PTPN5: variants seen among roughly 807,000 people sequenced by gnomAD.
The protein encoded by PTPN5 is protein tyrosine phosphatase non-receptor type 5, also known as tyrosine-protein phosphatase non-receptor type 5.
In PTPN5, 29 loss-of-function variants were observed where a neutral mutation model predicts 73.9. The ratio of observed to expected loss-of-function variants is 0.39; its 90% CI spans 0.29 to 0.54. PTPN5 has a LOEUF of 0.54. Among genes scored for constraint, PTPN5 ranks in the 20% least tolerant of loss-of-function variants. The pLI, the probability that PTPN5 is intolerant of heterozygous loss-of-function variation, is 0.65. For synonymous variants in PTPN5, 267 were observed against 304.7 expected, an observed-to-expected ratio of 0.88 and a Z score of 1.29; for missense variants, 652 against 751.4, an observed-to-expected ratio of 0.87 and a Z score of 1.55.
rs1367069936 is a variant in PTPN5, at chr11:18,778,433, GAC to G, written c.-113-6364_-113-6363del. Among the ~76,000 whole-genome samples the G allele has an allele frequency of 3.3e-5, 5 of 152,276 alleles. No individual in the cohort carries two copies. In the East Asian group the frequency reaches 9.6e-4, roughly 29 times the overall value. ...TTGCAGCTCTCCCTTCTCCCTCTGT[GAC>G]ACAGTTTGGATATTTGTCCCCACCC... On this transcript the variant is annotated intron_variant, in intron 1 of 14. Transcript: ENST00000358540.
At position 18,762,452 on chromosome 11, in the gene PTPN5, C is replaced by T. The variant is rs145729885; in HGVS notation, c.97+3355G>A. ...TCCAAGTTGCAGTACAGGTCAGTGT[C>T]CTTGACAAACATTTGTGGAAGTCTA... On this transcript the variant is annotated intron_variant, in intron 3 of 14. Coordinates refer to ENST00000358540, the MANE Select transcript of PTPN5 (RefSeq NM_006906.2). Among the ~76,000 whole-genome samples, 281 of 152,180 alleles carry T rather than the reference C, an allele frequency of 1.8e-3. 1 individual carries two copies. The highest frequency in any genetic ancestry group is 3.1e-3 in the Non-Finnish European group (208 of 67,984).
At chr11:18,750,115 C>T (rs1849820563) in intron 3 of PTPN5, among the ~76,000 whole-genome samples, 1 of 152,134 alleles carries the variant, frequency 6.6e-6, no homozygotes, top group African/African-American at 2.4e-5. Flanking sequence ...AGTGGCTTGC[C>T]CCAGGTCCAC....
chr11:18,771,809 T>C, intron 2 of PTPN5, 130 bp downstream of exon 2: 2 of 772,838 alleles, frequency 2.6e-6, no homozygotes. Context: ...GCATGCTGGT[T>C]TCATGGAAAA....
chr11:18,783,965 TCTC>T (rs1423117560), intron 1 of PTPN5, among the ~76,000 whole-genome samples: 1 of 152,192 alleles, frequency 6.6e-6, no homozygotes, highest in Non-Finnish European at 1.5e-5. Flanking sequence ...TCTTCTCTCT[TCTC>T]TGTTACCTCC....
At chr11:18,740,364 CATGTT>C (rs1849308162) in intron 8 of PTPN5, 2 of 362,500 alleles carry the variant, frequency 5.5e-6, no homozygotes, top group African/African-American at 2.1e-5. Flanking sequence ...GTGCTCTGCA[CATGTT>C]ATAAGTCTCT....
intron 8 of PTPN5, among the ~76,000 whole-genome samples, chr11:18,738,694 C>T (rs1849226328): frequency 6.6e-6 from 1 of 152,128 alleles, no homozygotes; most frequent in African/African-American, 2.4e-5. Context: ...TCACCTCTGC[C>T]CGGGCGCGGT....
At chr11:18,755,029 ATT>A (rs1850065498) in intron 3 of PTPN5, among the ~76,000 whole-genome samples, 2 of 152,162 alleles carry the variant, frequency 1.3e-5, no homozygotes, top group Non-Finnish European at 2.9e-5. Flanking sequence ...TCACTCTAGG[ATT>A]AGGTCCTAAG....
At chr11:18,767,803 A>G (rs543181289) in intron 2 of PTPN5, among the ~76,000 whole-genome samples, 1 of 152,342 alleles carries the variant, frequency 6.6e-6, no homozygotes, top group East Asian at 1.9e-4. Flanking sequence ...CCTTTGGCAT[A>G]GTTCATAGAT....
intron 9 of PTPN5, among the ~76,000 whole-genome samples, chr11:18,737,307 G>C (rs1849158604): frequency 6.6e-6 from 1 of 152,182 alleles, no homozygotes; most frequent in Non-Finnish European, 1.5e-5. Flanking sequence ...GACTGCTCGT[G>C]CCGCCTCACT....
Position 18,772,032 on chromosome 11 carries a change from G to T in PTPN5, c.-74C>A. On this transcript the variant is annotated 5_prime_UTR_variant, in exon 2 of 15. Transcript: ENST00000358540. The stretch of plus-strand genomic sequence containing the variant: ...CTTTCTCAGCAAAAAGCAAGCTGGT[G>T]ATATAAATGAAGGAGAGAGGGCAGC... 2 of 1,230,570 alleles carry T rather than the reference G, an allele frequency of 1.6e-6. No homozygotes were observed. Among genetic ancestry groups the T allele is most frequent in the Non-Finnish European group, 2.3e-6 (2 of 880,072 alleles). The allele number at this position is 1,230,570 out of a possible 1,614,324, so 76.2% of individuals were successfully genotyped here. A position where few individuals can be genotyped will look rare whatever the true frequency, so the allele number is the denominator to read the frequency against.
intron 9 of PTPN5, among the ~76,000 whole-genome samples, chr11:18,734,474 AC>A (rs1342292670): frequency 6.6e-6 from 1 of 152,084 alleles, no homozygotes; most frequent in Non-Finnish European, 1.5e-5. Flanking sequence ...GAGCCACTGC[AC>A]CTGGCTAAAT....
intron 3 of PTPN5, among the ~76,000 whole-genome samples, chr11:18,749,080 C>A (rs1052698245): frequency 2.0e-4 from 30 of 152,252 alleles, no homozygotes; most frequent in African/African-American, 7.2e-4. Flanking sequence ...TCTGCATACG[C>A]AATTGCATTT....
chr11:18,772,932 G>A (rs375191365), intron 1 of PTPN5, among the ~76,000 whole-genome samples: 22 of 151,958 alleles, frequency 1.4e-4, no homozygotes, highest in African/African-American at 4.6e-4. Flanking sequence ...CTCAGGAGAC[G>A]TTTGGTACCC....
intron 1 of PTPN5, among the ~76,000 whole-genome samples, chr11:18,786,549 A>G (rs186565415): frequency 4.5e-4 from 68 of 152,310 alleles, no homozygotes; most frequent in African/African-American, 1.6e-3. Context: ...GATAAGGAAG[A>G]GCCTTTTGGT....
At chr11:18,787,867 T>C (rs1264475229) in intron 1 of PTPN5, among the ~76,000 whole-genome samples, 2 of 152,194 alleles carry the variant, frequency 1.3e-5, no homozygotes, top group Non-Finnish European at 2.9e-5. Flanking sequence ...TAGAACAACC[T>C]GGCATGTAAC....
chr11:18,757,363 C>T (rs1021733764), intron 3 of PTPN5, among the ~76,000 whole-genome samples: 4 of 152,188 alleles, frequency 2.6e-5, no homozygotes, highest in African/African-American at 9.7e-5. Context: ...TCTTTACACC[C>T]AGGAAAATGT....
In PTPN5 at chr11:18,729,151, A is replaced by ACCCTTGC. The variant is rs1564882810; in HGVS notation, c.1605-131_1605-125dup. 9.2e-6 allele frequency: 8 copies of ACCCTTGC among 868,050 alleles called. No homozygotes were observed. The African/African-American group carries it at 1.4e-4, about 15-fold the overall frequency. The allele number at this position is 868,050 out of a possible 1,614,324, so 53.8% of individuals were successfully genotyped here. A position where few individuals can be genotyped will look rare whatever the true frequency, so the allele number is the denominator to read the frequency against. On this transcript the variant is annotated intron_variant, in intron 14 of 14. Coordinates refer to ENST00000358540, the MANE Select transcript of PTPN5 (RefSeq NM_006906.2). This position sits in a 1 kb window ranked among gnomAD's most constrained non-coding sequence, Gnocchi z 5.2. ...GCCCCTGTGCGTCTTGGAGAGACCA[A>ACCCTTGC]CCCTTGCCAACCATTACCCTCTGCC...
At chr11:18,774,955 G>A (rs7932876) in intron 1 of PTPN5, among the ~76,000 whole-genome samples, 11,554 of 152,240 alleles carry the variant, frequency 0.076, 1,126 homozygotes, top group African/African-American at 0.23. Context: ...CTTAGCTCCC[G>A]ACCGAAGAGG....
intron 9 of PTPN5, among the ~76,000 whole-genome samples, chr11:18,734,527 G>A (rs1206901840): frequency 6.6e-6 from 1 of 152,074 alleles, no homozygotes; most frequent in Admixed American, 6.5e-5. Context: ...TAGAGATGAG[G>A]TCTTGCTATG....
Sources: gnomAD v4.1 joint callset for allele counts (sites outside exome capture counted in the v4.1 genomes callset) on GRCh38, gnomAD v4.1.1 for gene constraint, Gnocchi (gnomAD v3.1) non-coding constraint, MANE v1.5 for transcripts, NCBI Gene and HGNC (gene_info 2026-07-23, HGNC 2026-07-21) for gene names.